The following KCNK10 variants were observed in gnomAD, a reference collection of about 807,000 sequenced individuals.
KCNK10 encodes potassium two pore domain channel subfamily K member 10.
A neutral mutation model predicts 47.7 loss-of-function variants in KCNK10; 25 were observed. That is an observed-to-expected ratio of 0.52 (90% CI 0.38 to 0.73). The LOEUF is 0.73. Ranked by LOEUF, KCNK10 falls within the 30% of genes least tolerant of loss-of-function variation. KCNK10 has a pLI of 0.00. For synonymous variants in KCNK10, 303 were observed against 285.6 expected, an observed-to-expected ratio of 1.06 and a Z score of -0.61; for missense variants, 563 against 714.5, an observed-to-expected ratio of 0.79 and a Z score of 2.42.
rs574712194 is a variant in KCNK10, at chr14:88,208,538, C to CT, written c.682-16129_682-16128insA. 1.8e-4 allele frequency among the ~76,000 whole-genome samples: 27 copies of CT among 152,240 alleles called. 1 individual carries two copies. In the South Asian group the frequency reaches 5.2e-3, roughly 29 times the overall value. Reference sequence around the variant, plus strand: ...ATACAGCAATGTCAGGAAAAGGATGCCAGAAAGAAAGTGGTAATAACATTG... The same window carrying CT: ...ATACAGCAATGTCAGGAAAAGGATGCTCAGAAAGAAAGTGGTAATAACATTG... On this transcript the variant is annotated intron_variant, in intron 4 of 6. Coordinates refer to ENST00000319231, the MANE Select transcript of KCNK10 (RefSeq NM_138317.3).
chr14:88,242,708 G>T (rs1324157343), intron 2 of KCNK10, among the ~76,000 whole-genome samples: 3 of 152,192 alleles, frequency 2.0e-5, no homozygotes, highest in African/African-American at 7.2e-5. Flanking sequence ...CTGCTCTAGA[G>T]GGCAGACAGA....
intron 4 of KCNK10, among the ~76,000 whole-genome samples, chr14:88,207,024 C>A (rs983871482): frequency 6.6e-6 from 1 of 152,140 alleles, no homozygotes; most frequent in African/African-American, 2.4e-5. Context: ...CATATGAATA[C>A]CATTGGCAAT....
intron 1 of KCNK10, among the ~76,000 whole-genome samples, chr14:88,319,193 C>T (rs974218012): frequency 6.6e-6 from 1 of 152,132 alleles, no homozygotes; most frequent in Non-Finnish European, 1.5e-5. Flanking sequence ...TTGTTTTTAC[C>T]TACACCTCTT....
At chr14:88,265,628 A>G (rs2139756805) in intron 1 of KCNK10, among the ~76,000 whole-genome samples, 1 of 152,322 alleles carries the variant, frequency 6.6e-6, no homozygotes, top group South Asian at 2.1e-4. Flanking sequence ...CCATTAGTTC[A>G]GGTTTCCTGA....
At chr14:88,227,852 A>G (rs1235150107) in intron 3 of KCNK10, among the ~76,000 whole-genome samples, 1 of 152,198 alleles carries the variant, frequency 6.6e-6, no homozygotes, top group Non-Finnish European at 1.5e-5. Context: ...GGGCATGTCT[A>G]GTTTAGCGAG....
chr14:88,197,408 C>G (rs1374050576), intron 4 of KCNK10, among the ~76,000 whole-genome samples: 1 of 151,404 alleles, frequency 6.6e-6, no homozygotes, highest in Non-Finnish European at 1.5e-5. Context: ...CCCAACTCTA[C>G]TAAAAAATAC....
chr14:88,229,679 T>A (rs1403813789), intron 3 of KCNK10, among the ~76,000 whole-genome samples: 1 of 152,242 alleles, frequency 6.6e-6, no homozygotes, highest in Admixed American at 6.5e-5. Flanking sequence ...TCTTGAGTGA[T>A]GCTGTATCTC....
At chr14:88,281,844 G>A (rs1239913905) in intron 1 of KCNK10, among the ~76,000 whole-genome samples, 6 of 151,640 alleles carry the variant, frequency 4.0e-5, no homozygotes, top group South Asian at 2.1e-4. Flanking sequence ...GTGTGTGTGT[G>A]TGTGTGTGTG....
At chr14:88,225,204 G>A (rs1042570106) in intron 4 of KCNK10, among the ~76,000 whole-genome samples, 16 of 152,208 alleles carry the variant, frequency 1.1e-4, no homozygotes, top group Non-Finnish European at 2.9e-5. Context: ...ACTGCTGCAG[G>A]ATCAGTTGTT....
chr14:88,224,878 A>AG (rs1423460554), intron 4 of KCNK10, among the ~76,000 whole-genome samples: 1 of 152,172 alleles, frequency 6.6e-6, no homozygotes, highest in Non-Finnish European at 1.5e-5. Flanking sequence ...CCAAACTGCT[A>AG]GGATTACAGG....
Position 88,263,385 on chromosome 14 carries a change from C to T in KCNK10, c.219G>A (p.Lys73=), listed in dbSNP as rs375710176. The change falls in exon 2 of 7, where the codon AAG becomes AAA. Residue 73 remains lysine (K), a synonymous_variant. Transcript: ENST00000319231. ...CAAAGATGGCAACCACCGTCTTCCACTTCATGACGGTCTGCAAGCCCCCTT... is the reference window on the plus strand; with the variant it reads ...CAAAGATGGCAACCACCGTCTTCCATTTCATGACGGTCTGCAAGCCCCCTT... The part of the protein sequence containing the change: ...TSQGGLQTVM[K]WKTVVAIFVV... 9.9e-6 allele frequency: 16 copies of T among 1,613,990 alleles called. No homozygotes were observed. Among genetic ancestry groups the T allele is most frequent in the Non-Finnish European group, 1.4e-5 (16 of 1,180,062 alleles).
In KCNK10 at chr14:88,186,054, C is replaced by G. The variant is rs772729308; in HGVS notation, c.1113G>C (p.Leu371=). Residue 371 remains leucine, a synonymous_variant, in exon 7 of 7, where the codon CTG becomes CTC. Coordinates refer to ENST00000319231, the MANE Select transcript of KCNK10 (RefSeq NM_138317.3). The surrounding 1 kb of genome is among the most constrained non-coding windows in gnomAD (Gnocchi z 5.5). ...TGCTGCGGATGGTGGCCGCCCGCTG[C>G]AGCTTATCGTGGATCTCCACGCTGA... The part of the protein sequence containing the change: ...RRLSVEIHDK[L]QRAATIRSME... 10 of 1,613,136 alleles carry G rather than the reference C, an allele frequency of 6.2e-6. No individual in the cohort carries two copies. In the South Asian group the frequency reaches 9.9e-5, roughly 16 times the overall value.
upstream of KCNK10, among the ~76,000 whole-genome samples, chr14:88,325,317 G>T (rs1270572828): frequency 6.6e-6 from 1 of 152,168 alleles, no homozygotes; most frequent in Non-Finnish European, 1.5e-5. Context: ...GAGTCAGAGA[G>T]GGGCTTCAGC....
intron 1 of KCNK10, among the ~76,000 whole-genome samples, chr14:88,295,497 TA>T (rs1887967535): frequency 6.6e-6 from 1 of 152,114 alleles, no homozygotes; most frequent in South Asian, 2.1e-4. Context: ...CCATCTCTAC[TA>T]AAAATACAAA....
At chr14:88,245,337 C>G (rs536444506) in intron 2 of KCNK10, among the ~76,000 whole-genome samples, 39 of 152,142 alleles carry the variant, frequency 2.6e-4, no homozygotes, top group Non-Finnish European at 8.8e-5. Context: ...CTCCCTCCCC[C>G]ACACCATGCA....
chr14:88,319,472 T>G (rs1236189947), intron 1 of KCNK10, among the ~76,000 whole-genome samples: 1 of 152,178 alleles, frequency 6.6e-6, no homozygotes, highest in Admixed American at 6.5e-5. Flanking sequence ...TAAACACATT[T>G]GGTCTGTGTA....
intron 1 of KCNK10, among the ~76,000 whole-genome samples, chr14:88,291,181 A>G (rs1887868299): frequency 6.6e-6 from 1 of 152,184 alleles, no homozygotes; most frequent in Non-Finnish European, 1.5e-5. Flanking sequence ...CAGGCACAGG[A>G]GTTTTCTAAC....
At chr14:88,262,999 C>G (rs1290900204) in intron 2 of KCNK10, among the ~76,000 whole-genome samples, 1 of 152,140 alleles carries the variant, frequency 6.6e-6, no homozygotes, top group Non-Finnish European at 1.5e-5. Context: ...AGATGCAGAA[C>G]ATGGACCCTC....
rs149673876 is a variant in KCNK10, at chr14:88,295,363, C to T, written c.52+27384G>A. ...TTCTTCTTGGCTCTTCAGTAGCAAA[C>T]CCAAACATTTTAAATTTCCTTGAGA... On this transcript the variant is annotated intron_variant, in intron 1 of 6. Transcript: ENST00000319231. Among the ~76,000 whole-genome samples, 56 of 152,256 alleles carry T rather than the reference C, an allele frequency of 3.7e-4. 1 individual carries two copies. Among genetic ancestry groups the T allele is most frequent in the Admixed American group, 2.3e-3 (35 of 15,294 alleles).
Sources: allele counts gnomAD v4.1 joint callset (sites outside exome capture counted in the v4.1 genomes callset), GRCh38; gene constraint gnomAD v4.1.1; non-coding constraint Gnocchi (gnomAD v3.1); transcripts MANE v1.5; gene names NCBI Gene and HGNC (gene_info 2026-07-23, HGNC 2026-07-21).